GULP1: variants seen among roughly 807,000 people sequenced by gnomAD.
GULP1 encodes the protein PTB domain-containing engulfment adapter protein 1.
GULP1 carries 19 observed loss-of-function variants against 40.9 expected under a neutral mutation model. The ratio of observed to expected loss-of-function variants is 0.46; its 90% CI spans 0.32 to 0.68. The LOEUF (loss-of-function observed/expected upper bound fraction) is 0.68. Among genes scored for constraint, GULP1 ranks in the 30% least tolerant of loss-of-function variants. GULP1 has a pLI of 0.03. For synonymous variants in GULP1, 119 were observed against 117.6 expected, an observed-to-expected ratio of 1.01 and a Z score of -0.08; for missense variants, 312 against 362.2, an observed-to-expected ratio of 0.86 and a Z score of 1.12.
chr2:188,377,087 G>A (rs2048386868), intron 1 of GULP1, among the ~76,000 whole-genome samples: 1 of 151,908 alleles, frequency 6.6e-6, no homozygotes, highest in Non-Finnish European at 1.5e-5. Context: ...CAGGAGAATT[G>A]CTTGAACCTG....
chr2:188,535,171 C>T (rs1263342198), intron 6 of GULP1, among the ~76,000 whole-genome samples: 1 of 149,854 alleles, frequency 6.7e-6, no homozygotes, highest in African/African-American at 2.4e-5. Flanking sequence ...TTTATTTCTA[C>T]TCGTTCTGTT....
chr2:188,589,679 TG>T (rs979404466), intron 11 of GULP1: 1 of 896,528 alleles, frequency 1.1e-6, no homozygotes, highest in East Asian at 2.9e-5. Flanking sequence ...TTTTTGCTTT[TG>T]CTGTTTCTAA....
intron 2 of GULP1, among the ~76,000 whole-genome samples, chr2:188,455,988 A>G (rs2059225960): frequency 1.3e-5 from 2 of 152,178 alleles, no homozygotes; most frequent in African/African-American, 4.8e-5. Context: ...CTCCTGCCCT[A>G]GAGATTTGTG....
intron 2 of GULP1, among the ~76,000 whole-genome samples, chr2:188,469,087 A>G (rs2060368831): frequency 6.6e-6 from 1 of 152,190 alleles, no homozygotes; most frequent in Non-Finnish European, 1.5e-5. Flanking sequence ...GAGGCTGAAT[A>G]TGGATTAGAG....
chr2:188,526,805 G>T (rs1293716551), intron 5 of GULP1, among the ~76,000 whole-genome samples: 1 of 152,058 alleles, frequency 6.6e-6, no homozygotes, highest in African/African-American at 2.4e-5. Context: ...ATTATTTGGT[G>T]AATATCTGCA....
At chr2:188,585,977 T>G (rs2153464967) in intron 10 of GULP1, among the ~76,000 whole-genome samples, 1 of 152,360 alleles carries the variant, frequency 6.6e-6, no homozygotes, top group East Asian at 1.9e-4. Flanking sequence ...AAATTATTTC[T>G]TTGTGAATGC....
chr2:188,385,844 G>A (rs10209733), intron 2 of GULP1, among the ~76,000 whole-genome samples: 43,200 of 151,884 alleles, frequency 0.28, 7,563 homozygotes, highest in African/African-American at 0.5. Flanking sequence ...CCTCATCTCT[G>A]TCTGAGACCA....
At chr2:188,318,295 G>C (rs1440174386) in intron 1 of GULP1, among the ~76,000 whole-genome samples, 2 of 124,210 alleles carry the variant, frequency 1.6e-5, no homozygotes, top group African/African-American at 3.4e-5. Context: ...TTAGTCAGAG[G>C]GTATATAAAT....
At chr2:188,539,586 G>A (rs1450151921) in intron 6 of GULP1, among the ~76,000 whole-genome samples, 1 of 152,026 alleles carries the variant, frequency 6.6e-6, no homozygotes, top group East Asian at 1.9e-4. Flanking sequence ...AGATGAATTA[G>A]GCTATCTAAT....
In GULP1 at chr2:188,373,910, A is replaced by G. The variant is rs1055360750; in HGVS notation, c.-171-9853A>G. Among the ~76,000 whole-genome samples, 3 of 152,028 alleles carry G rather than the reference A, an allele frequency of 2.0e-5. No homozygotes were observed. The East Asian group carries it at 5.8e-4, about 29-fold the overall frequency. ...ACATATCACATTTATGAAATTGTTC[A>G]TATCTCTTCTAAATCTGTTTATTTA... On this transcript the variant is annotated intron_variant, in intron 1 of 11. Coordinates refer to ENST00000409830, the MANE Select transcript of GULP1 (RefSeq NM_016315.4).
chr2:188,500,467 A>C (rs942643057), intron 4 of GULP1, among the ~76,000 whole-genome samples: 1 of 151,946 alleles, frequency 6.6e-6, no homozygotes, highest in South Asian at 2.1e-4. Context: ...GTTAATAAGC[A>C]TCAAAATTGC....
At chr2:188,544,069 A>G (rs1691254167) in intron 7 of GULP1, among the ~76,000 whole-genome samples, 1 of 152,136 alleles carries the variant, frequency 6.6e-6, no homozygotes. Context: ...CTGAGCTTCT[A>G]TACTTACCAG....
At chr2:188,307,717 G>A (rs1193535745) in intron 1 of GULP1, among the ~76,000 whole-genome samples, 1 of 152,128 alleles carries the variant, frequency 6.6e-6, no homozygotes, top group Non-Finnish European at 1.5e-5. Context: ...GAGATCATGT[G>A]CCACACACTG....
intron 1 of GULP1, among the ~76,000 whole-genome samples, chr2:188,348,866 A>G (rs943426728): frequency 1.3e-5 from 2 of 152,194 alleles, no homozygotes; most frequent in Non-Finnish European, 2.9e-5. Flanking sequence ...TCTATCAGTA[A>G]ATGATCTAAA....
intron 11 of GULP1, chr2:188,592,054 A>G (rs1460015823): frequency 2.0e-5 from 3 of 151,952 alleles, no homozygotes; most frequent in Non-Finnish European, 4.4e-5. Context: ...AAAAGTCAAT[A>G]TGGAGATAGA....
chr2:188,316,606 A>T (rs766733561), intron 1 of GULP1, among the ~76,000 whole-genome samples: 1 of 151,448 alleles, frequency 6.6e-6, no homozygotes, highest in African/African-American at 2.4e-5. Flanking sequence ...TTCACTTTTC[A>T]ACTCCTGCTT....
intron 4 of GULP1, among the ~76,000 whole-genome samples, chr2:188,508,540 A>T (rs1355520391): frequency 1.3e-5 from 2 of 151,962 alleles, no homozygotes; most frequent in Non-Finnish European, 2.9e-5. Flanking sequence ...TTGATTATAC[A>T]AAGAGTACTA....
At chr2:188,359,287 T>C (rs72909525) in intron 1 of GULP1, among the ~76,000 whole-genome samples, 1,743 of 152,254 alleles carry the variant, frequency 0.011, 14 homozygotes, top group Non-Finnish European at 0.02. Context: ...TTTGGAGATG[T>C]AGTGATGAGC....
chr2:188,453,407 C>T (rs77299829), intron 2 of GULP1, among the ~76,000 whole-genome samples: 3,508 of 152,032 alleles, frequency 0.023, 146 homozygotes, highest in African/African-American at 0.08. Context: ...TTCATGGAAA[C>T]GTTTACATGA....
Sources: allele counts gnomAD v4.1 joint callset (sites outside exome capture counted in the v4.1 genomes callset), GRCh38; gene constraint gnomAD v4.1.1; transcripts MANE v1.5; gene names NCBI Gene and HGNC (gene_info 2026-07-23, HGNC 2026-07-21).